Variants in ROBO1 observed in about 807,000 individuals in gnomAD.
ROBO1 encodes roundabout guidance receptor 1, also known as roundabout homolog 1.
A neutral mutation model predicts 195.9 loss-of-function variants in ROBO1; 149 were observed. That is an observed-to-expected ratio of 0.76 (90% CI 0.67 to 0.87). The LOEUF is 0.87. ROBO1 is among the 40% of genes least tolerant of loss of function. The probability of loss-of-function intolerance (pLI) is 0.00; values close to 1 mark genes in which losing one functional copy is unlikely to be tolerated. For synonymous variants in ROBO1, 816 were observed against 733.2 expected (o/e 1.11, Z -1.82); for missense variants, 1,933 against 2,068.3 (o/e 0.93, Z 1.27).
intron 2 of ROBO1, among the ~76,000 whole-genome samples, chr3:79,434,718 T>C (rs951682999): frequency 1.1e-4 from 16 of 152,168 alleles, no homozygotes; most frequent in African/African-American, 3.9e-4. Context: ...ACTGGGTATA[T>C]ACCCAAAGGA....
At chr3:78,887,881 T>C (rs2036655930) in intron 4 of ROBO1, among the ~76,000 whole-genome samples, 1 of 152,102 alleles carries the variant, frequency 6.6e-6, no homozygotes, top group East Asian at 1.9e-4. Flanking sequence ...GGTTTCTGTT[T>C]CATATTGCAT....
Position 78,617,715 on chromosome 3 carries a change from G to A in ROBO1, c.4202C>T (p.Ala1401Val). The A allele has an allele frequency of 6.2e-7, 1 of 1,613,974 alleles. No individual in the cohort carries two copies. ...TGCTGCGACTGCCTGGGCAAAGTCA[G>A]CATCAGTGAAAAAGGAGCCGTCCGA... ...SSSDGSFFTD[A>V]DFAQAVAAAA... The change falls in exon 27 of 31, where the codon GCT (alanine) becomes GTT (valine). Residue 1401 changes from alanine to valine, a missense_variant. By Grantham distance (64) the Ala-to-Val change is moderately conservative. Around this residue, in one of 3 missense-constraint regions of ROBO1, gnomAD observed 1,737 missense variants for 1,882.5 expected, o/e 0.92. Transcript: ENST00000464233.
chr3:79,162,538 C>T (rs887553271), intron 2 of ROBO1, among the ~76,000 whole-genome samples: 10 of 152,020 alleles, frequency 6.6e-5, no homozygotes, highest in African/African-American at 9.7e-5. Context: ...TTGCATCAAA[C>T]GTTAGCCAAT....
At chr3:79,519,529 T>G (rs1260401820) in intron 2 of ROBO1, among the ~76,000 whole-genome samples, 1 of 143,068 alleles carries the variant, frequency 7.0e-6, no homozygotes, top group African/African-American at 2.6e-5. Flanking sequence ...TTCGAGAGGC[T>G]GAGGCAGGAG....
At chr3:79,188,744 T>C (rs1395908962) in intron 2 of ROBO1, among the ~76,000 whole-genome samples, 1 of 151,828 alleles carries the variant, frequency 6.6e-6, no homozygotes, top group Non-Finnish European at 1.5e-5. Flanking sequence ...AGATCTTGTC[T>C]GCCTTGTTCT....
Position 79,298,997 on chromosome 3 carries a change from T to C in ROBO1, c.89-173458A>G, listed in dbSNP as rs1387666. On this transcript the variant is annotated intron_variant, in intron 2 of 30. Transcript: ENST00000464233. ...GATATGAACAGTTCCTTTGAGATCA[T>C]TGTATTGAGAATACTTCTATGTTTA... Among the ~76,000 whole-genome samples, 78 of 152,252 alleles carry C rather than the reference T, an allele frequency of 5.1e-4. No homozygotes were observed. In the South Asian group the frequency reaches 0.015, roughly 29 times the overall value.
chr3:79,270,641 T>A (rs1300690990), intron 2 of ROBO1, among the ~76,000 whole-genome samples: 1 of 151,880 alleles, frequency 6.6e-6, no homozygotes, highest in African/African-American at 2.4e-5. Context: ...AAGTTCTTGC[T>A]ATTTCTTTCA....
At chr3:79,320,846 A>G (rs1028970436) in intron 2 of ROBO1, among the ~76,000 whole-genome samples, 2 of 152,184 alleles carry the variant, frequency 1.3e-5, no homozygotes, top group Non-Finnish European at 2.9e-5. Context: ...TGCTATACAC[A>G]CTTTATATTT....
chr3:78,755,233 A>C (rs1286363256), intron 4 of ROBO1, among the ~76,000 whole-genome samples: 2 of 152,094 alleles, frequency 1.3e-5, no homozygotes, highest in Non-Finnish European at 2.9e-5. Context: ...TTTTGGAGGC[A>C]GATGCTGGAG....
intron 2 of ROBO1, among the ~76,000 whole-genome samples, chr3:79,434,590 T>C (rs1409263001): frequency 3.3e-5 from 5 of 151,894 alleles, no homozygotes; most frequent in Non-Finnish European, 7.4e-5. Flanking sequence ...TGTGGAGAAA[T>C]AGGAACACTT....
intron 2 of ROBO1, among the ~76,000 whole-genome samples, chr3:79,301,659 T>TA (rs1371935440): frequency 2.0e-5 from 3 of 152,066 alleles, no homozygotes; most frequent in African/African-American, 4.8e-5. Flanking sequence ...AGATTAACAA[T>TA]AAAAAACATA....
chr3:78,737,330 T>C (rs1488728615), intron 5 of ROBO1, among the ~76,000 whole-genome samples: 1 of 152,172 alleles, frequency 6.6e-6, no homozygotes, highest in South Asian at 2.1e-4. Flanking sequence ...TGTTATGGCA[T>C]GAGTAGTTTT....
intron 8 of ROBO1, among the ~76,000 whole-genome samples, chr3:78,701,782 A>G (rs2081426821): frequency 6.6e-6 from 1 of 152,134 alleles, no homozygotes; most frequent in African/African-American, 2.4e-5. Context: ...AATAACATCG[A>G]CCACACAAAA....
intron 3 of ROBO1, among the ~76,000 whole-genome samples, chr3:79,062,309 C>G (rs552177163): frequency 3.0e-4 from 45 of 152,198 alleles, no homozygotes; most frequent in African/African-American, 1.0e-3. Flanking sequence ...TACCTTCTCA[C>G]TCCAGTTAGA....
chr3:78,637,156 T>C (rs1275406346), intron 22 of ROBO1, among the ~76,000 whole-genome samples: 1 of 151,848 alleles, frequency 6.6e-6, no homozygotes, highest in East Asian at 1.9e-4. Flanking sequence ...TAACTGGATA[T>C]GTTTAAAAAT....
intron 29 of ROBO1, among the ~76,000 whole-genome samples, chr3:78,601,747 A>G (rs1703183481): frequency 1.3e-5 from 2 of 152,152 alleles, no homozygotes; most frequent in Admixed American, 1.3e-4. Context: ...TCCCACTGAA[A>G]TCTATTTATG....
intron 19 of ROBO1, among the ~76,000 whole-genome samples, chr3:78,648,250 C>G (rs1027958936): frequency 6.6e-6 from 1 of 152,052 alleles, no homozygotes; most frequent in Non-Finnish European, 1.5e-5. Flanking sequence ...TAAAATTTAA[C>G]TATTTCACTG....
chr3:78,780,770 T>G (rs2083653789), intron 4 of ROBO1, among the ~76,000 whole-genome samples: 1 of 152,162 alleles, frequency 6.6e-6, no homozygotes, highest in South Asian at 2.1e-4. Context: ...CCACATTCAT[T>G]TCTGCTGCTT....
chr3:78,614,508 C>T, intron 28 of ROBO1, 140 bp downstream of exon 28: 2 of 913,730 alleles, frequency 2.2e-6, no homozygotes, highest in Non-Finnish European at 1.5e-6. Context: ...AAGTAGGTCG[C>T]TTCTATAAGT....
Sources: gnomAD v4.1 joint callset for allele counts (sites outside exome capture counted in the v4.1 genomes callset) on GRCh38, gnomAD v4.1.1 for gene constraint, gnomAD v4.1.1 regional missense constraint, MANE v1.5 for transcripts, NCBI Gene and HGNC (gene_info 2026-07-23, HGNC 2026-07-21) for gene names.